MAP7: variants seen among roughly 807,000 people sequenced by gnomAD.
MAP7 encodes the protein microtubule associated protein 7.
In MAP7, 52 loss-of-function variants were observed where a neutral mutation model predicts 94.8. That is an observed-to-expected ratio of 0.55 (90% CI 0.44 to 0.69). MAP7 has a LOEUF of 0.69. MAP7 is among the 30% of genes least tolerant of loss of function. The pLI, the probability that MAP7 is intolerant of heterozygous loss-of-function variation, is 0.00. For missense variants in MAP7, 940 were observed against 964.6 expected, an observed-to-expected ratio of 0.97 and a Z score of 0.34; for synonymous variants, 350 against 357.0, an observed-to-expected ratio of 0.98 and a Z score of 0.22.
chr6:136,435,777 T>G (rs1032790393), intron 1 of MAP7, among the ~76,000 whole-genome samples: 1 of 152,130 alleles, frequency 6.6e-6, no homozygotes, highest in Non-Finnish European at 1.5e-5. Flanking sequence ...GAGAAAAATT[T>G]GAGGAAGCAA....
chr6:136,406,082 G>A (rs1311892192), intron 3 of MAP7, among the ~76,000 whole-genome samples: 2 of 152,074 alleles, frequency 1.3e-5, no homozygotes, highest in African/African-American at 4.8e-5. Context: ...TCTATTTTAA[G>A]CTCTCTGAAT....
At chr6:136,437,439 C>G (rs572717022) in intron 1 of MAP7, among the ~76,000 whole-genome samples, 2 of 152,142 alleles carry the variant, frequency 1.3e-5, no homozygotes, top group Non-Finnish European at 2.9e-5. Context: ...AATTCTTTCC[C>G]TAGGGTACAG....
chr6:136,452,849 G>A (rs1286038987), intron 1 of MAP7, among the ~76,000 whole-genome samples: 1 of 152,014 alleles, frequency 6.6e-6, no homozygotes. Context: ...CACCATGCCC[G>A]GCCACTATTT....
rs543863893 is a variant in MAP7 at position 136,478,408 on chromosome 6, C to A, written c.68-56609G>T. ...GACCAGCCTGGGCAAGACAGCAAGACCCTGTCTGTACCAAAAAACAAAAAC... is the reference window on the plus strand; with the variant it reads ...GACCAGCCTGGGCAAGACAGCAAGAACCTGTCTGTACCAAAAAACAAAAAC... On this transcript the variant is annotated intron_variant, in intron 1 of 17. Coordinates refer to ENST00000354570, the MANE Select transcript of MAP7 (RefSeq NM_003980.6). Among the ~76,000 whole-genome samples the A allele has an allele frequency of 6.6e-5, 10 of 151,968 alleles. No individual in the cohort carries two copies. The South Asian group carries it at 2.1e-3, about 32-fold the overall frequency.
chr6:136,497,734 T>C (rs1234234277), intron 1 of MAP7, among the ~76,000 whole-genome samples: 1 of 140,226 alleles, frequency 7.1e-6, no homozygotes, highest in Non-Finnish European at 1.5e-5. Context: ...GGGAGGTGGA[T>C]GCTGCAGTGA....
intron 1 of MAP7, among the ~76,000 whole-genome samples, chr6:136,446,580 C>A (rs1277430344): frequency 1.3e-5 from 2 of 152,178 alleles, no homozygotes; most frequent in Non-Finnish European, 2.9e-5. Context: ...CGCTGAAAAG[C>A]CCCAACCCTC....
chr6:136,525,036 T>G (rs1827440174), intron 1 of MAP7, among the ~76,000 whole-genome samples: 1 of 152,246 alleles, frequency 6.6e-6, no homozygotes. Flanking sequence ...TTTTCAAAAA[T>G]GTCTGATGTT....
In MAP7 at chr6:136,362,395, G is replaced by A. The variant is rs573568745; in HGVS notation, c.1526+55C>T. On this transcript the variant is annotated intron_variant, in intron 11 of 17. Transcript: ENST00000354570. ...ACCTCCTCCCTCTCAGAGGGGTGAT[G>A]AGTTAATCCAAAGTATCACTGACAC... 16 of 1,592,964 alleles carry A rather than the reference G, an allele frequency of 1.0e-5. No homozygotes were observed. In the South Asian group the frequency reaches 1.5e-4, roughly 15 times the overall value.
intron 1 of MAP7, among the ~76,000 whole-genome samples, chr6:136,475,534 A>C (rs913806612): frequency 6.6e-6 from 1 of 152,234 alleles, no homozygotes; most frequent in Non-Finnish European, 1.5e-5. Context: ...AGAGCAGATC[A>C]GCCTTCTTGA....
intron 3 of MAP7, among the ~76,000 whole-genome samples, chr6:136,410,247 T>A (rs1787018875): frequency 6.6e-6 from 1 of 152,178 alleles, no homozygotes; most frequent in South Asian, 2.1e-4. Context: ...GATCTACAAG[T>A]GTGAGACCTG....
At chr6:136,524,622 C>G (rs954445733) in intron 1 of MAP7, among the ~76,000 whole-genome samples, 1 of 152,152 alleles carries the variant, frequency 6.6e-6, no homozygotes, top group Non-Finnish European at 1.5e-5. Context: ...TAGTAAGATT[C>G]TACTTATTAG....
At chr6:136,395,022 T>C (rs1413961586) in intron 3 of MAP7, among the ~76,000 whole-genome samples, 4 of 143,292 alleles carry the variant, frequency 2.8e-5, no homozygotes, top group African/African-American at 1.0e-4. Flanking sequence ...GTTACTTCTA[T>C]ATCTTGGCTA....
intron 1 of MAP7, among the ~76,000 whole-genome samples, chr6:136,463,993 T>G (rs1309703266): frequency 6.6e-6 from 1 of 152,102 alleles, no homozygotes; most frequent in African/African-American, 2.4e-5. Context: ...ATGACCTTCA[T>G]TGTGTATGTG....
At chr6:136,475,508 T>C (rs936495032) in intron 1 of MAP7, among the ~76,000 whole-genome samples, 5 of 152,224 alleles carry the variant, frequency 3.3e-5, no homozygotes, top group Admixed American at 6.5e-5. Context: ...ATTACAGCTC[T>C]TACTATGAAC....
rs762497241 is a variant in MAP7, at chr6:136,360,997, G to T, written c.1701+8C>A. On this transcript the variant is annotated splice_region_variant and intron_variant, in intron 12 of 17. Coordinates refer to ENST00000354570, the MANE Select transcript of MAP7 (RefSeq NM_003980.6). ...TGGGGCCGGGGCCAGGGTGGGGTGC[G>T]GCCGCACCTGCCTCTGGGCGCGCTC... The T allele has an allele frequency of 1.9e-6, 3 of 1,561,856 alleles. No homozygotes were observed. In the African/African-American group the frequency reaches 4.1e-5, roughly 21 times the overall value.
chr6:136,349,085 C>T (rs1008953627), intron 16 of MAP7, among the ~76,000 whole-genome samples: 3 of 152,248 alleles, frequency 2.0e-5, no homozygotes, highest in African/African-American at 4.8e-5. Flanking sequence ...CTGTCCTCCC[C>T]GACTTGTATT....
At chr6:136,373,567 A>G (rs1582711293) in intron 7 of MAP7, among the ~76,000 whole-genome samples, 1 of 152,272 alleles carries the variant, frequency 6.6e-6, no homozygotes, top group East Asian at 1.9e-4. Context: ...GGAAATTCAT[A>G]TAACACTGCA....
intron 1 of MAP7, among the ~76,000 whole-genome samples, chr6:136,440,146 C>T (rs530851258): frequency 9.2e-5 from 14 of 152,214 alleles, no homozygotes; most frequent in Admixed American, 2.6e-4. Flanking sequence ...CAATGACAAA[C>T]GGGTGGGAGG....
At chr6:136,535,302 T>C (rs2129057637) in intron 1 of MAP7, among the ~76,000 whole-genome samples, 1 of 152,312 alleles carries the variant, frequency 6.6e-6, no homozygotes, top group South Asian at 2.1e-4. Flanking sequence ...CCTTCCACAA[T>C]GATTGTAGGC....
Sources: gnomAD v4.1 joint callset for allele counts (sites outside exome capture counted in the v4.1 genomes callset) on GRCh38, gnomAD v4.1.1 for gene constraint, MANE v1.5 for transcripts, NCBI Gene and HGNC (gene_info 2026-07-23, HGNC 2026-07-21) for gene names.